Variants in TENM1 observed in about 807,000 individuals in gnomAD.
The protein encoded by TENM1 is teneurin transmembrane protein 1, also known as teneurin-1.
A neutral mutation model predicts 174.8 loss-of-function variants in TENM1; 35 were observed. The ratio of observed to expected loss-of-function variants is 0.20; its 90% CI spans 0.15 to 0.27. The LOEUF (loss-of-function observed/expected upper bound fraction) is 0.27, where lower values mean the gene tolerates loss of function less well. Ranked by LOEUF, TENM1 falls within the 10% of genes least tolerant of loss-of-function variation. The pLI is 1.00. For synonymous variants in TENM1, 781 were observed against 798.7 expected, an observed-to-expected ratio of 0.98 and a Z score of 0.37; for missense variants, 1,633 against 2,130.1, an observed-to-expected ratio of 0.77 and a Z score of 4.59.
At chrX:125,086,377 T>C in the TENM1 span, among the ~76,000 whole-genome samples, 3 of 111,122 alleles carry the variant, frequency 2.7e-5, no homozygotes, top group South Asian at 1.1e-3. Context: ...ATTTGGAATG[T>C]ACTGTATCTA....
At chrX:125,087,662 A>G in the TENM1 span, among the ~76,000 whole-genome samples, 3 of 111,448 alleles carry the variant, frequency 2.7e-5, no homozygotes, top group East Asian at 8.4e-4. Flanking sequence ...ATGCTCAAAT[A>G]AAACACTAAA....
intron 1 of TENM1, among the ~76,000 whole-genome samples, chrX:124,945,827 T>A (rs1226997736): frequency 1.8e-5 from 2 of 111,250 alleles, no homozygotes; most frequent in Non-Finnish European, 3.8e-5. Flanking sequence ...AAAATAAGAA[T>A]GGAGGATCAG....
the TENM1 span, among the ~76,000 whole-genome samples, chrX:124,990,860 C>T: frequency 1.8e-5 from 2 of 111,450 alleles, no homozygotes; most frequent in African/African-American, 6.5e-5. Context: ...GGTATTCTAG[C>T]CTAGGTAGCA....
chrX:124,438,421 T>C (rs1031306782), intron 23 of TENM1, among the ~76,000 whole-genome samples: 20 of 111,066 alleles, frequency 1.8e-4, no homozygotes, highest in African/African-American at 6.2e-4. Flanking sequence ...CCTCAGGTCA[T>C]GGCACCTGCT....
chrX:124,496,372 T>C (rs954984186), intron 20 of TENM1, among the ~76,000 whole-genome samples: 2 of 111,992 alleles, frequency 1.8e-5, no homozygotes, highest in Non-Finnish European at 3.8e-5. Flanking sequence ...TTAGTCATAA[T>C]CTTTGTGGAA....
intron 22 of TENM1, among the ~76,000 whole-genome samples, chrX:124,454,821 T>C (rs987848619): frequency 8.9e-6 from 1 of 112,368 alleles, no homozygotes; most frequent in African/African-American, 3.2e-5. Context: ...AATAACCACA[T>C]GGCATTTTTC....
At chrX:124,378,802 CTT>C (rs2060127311) in exon 32 of TENM1, 1 of 112,222 alleles carries the variant, frequency 8.9e-6, no homozygotes, top group Non-Finnish European at 1.9e-5. Flanking sequence ...GAGCTTATGA[CTT>C]TGCATATTTT....
the TENM1 span, among the ~76,000 whole-genome samples, chrX:125,064,218 G>A: frequency 9.1e-6 from 1 of 110,406 alleles, no homozygotes; most frequent in Non-Finnish European, 1.9e-5. Context: ...TAAATGACGA[G>A]TTAATGGGTG....
chrX:124,631,419 T>A (rs190735963), intron 11 of TENM1, among the ~76,000 whole-genome samples: 3 of 110,692 alleles, frequency 2.7e-5, no homozygotes, highest in African/African-American at 6.6e-5. Context: ...ACAAAGATAG[T>A]AAGTAAGAAA....
the TENM1 span, among the ~76,000 whole-genome samples, chrX:125,039,322 C>T: frequency 5.4e-5 from 6 of 110,651 alleles, no homozygotes; most frequent in Admixed American, 5.8e-4. Context: ...AAACCATAAC[C>T]CAAATGGTGG....
the TENM1 span, among the ~76,000 whole-genome samples, chrX:125,073,321 C>T: frequency 0.37 from 40,522 of 110,142 alleles, 7,720 homozygotes; most frequent in African/African-American, 0.75. Context: ...CATTCTAAAA[C>T]GTAATGGGTG....
At chrX:124,692,371 T>G in intron 5 of TENM1, among the ~76,000 whole-genome samples, 1 of 110,875 alleles carries the variant, frequency 9.0e-6, no homozygotes, top group Non-Finnish European at 1.9e-5. Flanking sequence ...AATCTGTATA[T>G]CAAACTCCCT....
At chrX:124,999,359 A>T in the TENM1 span, among the ~76,000 whole-genome samples, 1 of 111,055 alleles carries the variant, frequency 9.0e-6, no homozygotes, top group East Asian at 2.8e-4. Context: ...CATGTACTAG[A>T]TTACTTGACA....
Position 124,476,841 on chromosome X carries a change from C to G in TENM1, c.3949+4891G>C, listed in dbSNP as rs900814982. On this transcript the variant is annotated intron_variant, in intron 22 of 31. Transcript: ENST00000422452. ...GAACCTAAGTTTCAACTACATCATC[C>G]ATGCATGTTTTAAAAGCATCTTTCA... 4.4e-5 allele frequency among the ~76,000 whole-genome samples: 5 copies of G among 112,542 alleles called. No individual in the cohort carries two copies. The East Asian group carries it at 8.3e-4, about 19-fold the overall frequency.
At chrX:125,061,552 G>C in the TENM1 span, among the ~76,000 whole-genome samples, 140 of 112,022 alleles carry the variant, frequency 1.2e-3, no homozygotes, top group Admixed American at 4.6e-3. Flanking sequence ...ACAAGTAGAG[G>C]AAACTCAGAT....
At position 124,514,714 on chromosome X, in the gene TENM1, CAACA is replaced by C. The variant is rs755769211; in HGVS notation, c.3301+5799_3301+5802del. 4.3e-3 allele frequency among the ~76,000 whole-genome samples: 476 copies of C among 110,487 alleles called. 3 individuals carry two copies. The highest frequency in any genetic ancestry group is 0.015 in the African/African-American group (458 of 30,396). On this transcript the variant is annotated intron_variant, in intron 18 of 31. Coordinates refer to ENST00000422452, the Ensembl canonical transcript of TENM1. ...CCTACCAACCAACCAACCAACCAAC[CAACA>C]AACAAACAAAAACCCCAGGACCAGG...
intron 11 of TENM1, among the ~76,000 whole-genome samples, chrX:124,620,981 C>T (rs752359587): frequency 4.5e-5 from 5 of 111,448 alleles, no homozygotes; most frequent in Non-Finnish European, 9.4e-5. Flanking sequence ...AGTTACTTAG[C>T]GGCCCAAAGA....
At chrX:125,113,613 C>T in the TENM1 span, among the ~76,000 whole-genome samples, 24 of 110,780 alleles carry the variant, frequency 2.2e-4, no homozygotes, top group Non-Finnish European at 3.6e-4. Context: ...GGTTGCAATC[C>T]TAGTCTCTGA....
the TENM1 span, among the ~76,000 whole-genome samples, chrX:124,995,721 G>A: frequency 5.4e-5 from 6 of 111,524 alleles, no homozygotes; most frequent in African/African-American, 1.6e-4. Flanking sequence ...TATCATCAAA[G>A]TAGTATGTAT....
Sources: allele counts gnomAD v4.1 joint callset (sites outside exome capture counted in the v4.1 genomes callset), GRCh38; gene constraint gnomAD v4.1.1; transcripts MANE v1.5; gene names NCBI Gene and HGNC (gene_info 2026-07-23, HGNC 2026-07-21).